RABL3: variants seen among roughly 807,000 people sequenced by gnomAD.
The protein encoded by RABL3 is RAB, member of RAS oncogene family like 3.
In RABL3, 31 loss-of-function variants were observed where a neutral mutation model predicts 31.8. The ratio of observed to expected loss-of-function variants is 0.97; its 90% CI spans 0.73 to 1.31. The LOEUF (loss-of-function observed/expected upper bound fraction) is 1.31, where lower values mean the gene tolerates loss of function less well. Ranked by LOEUF, RABL3 falls within the 40% of genes most tolerant of loss-of-function variation. The probability of loss-of-function intolerance (pLI) is 0.00; values close to 1 mark genes in which losing one functional copy is unlikely to be tolerated. For synonymous variants in RABL3, 97 were observed against 99.9 expected (o/e 0.97, Z 0.18); for missense variants, 263 against 279.6 (o/e 0.94, Z 0.42).
chr3:120,696,280 T>C (rs1486880118), intron 5 of RABL3, among the ~76,000 whole-genome samples: 3 of 152,230 alleles, frequency 2.0e-5, no homozygotes, highest in African/African-American at 7.2e-5. Context: ...ATACAGTAAC[T>C]GATGTTAGCA....
At position 120,705,965 on chromosome 3, in the gene RABL3, T is replaced by C. The variant is rs1708542955; in HGVS notation, c.383+35A>G. On this transcript the variant is annotated intron_variant, in intron 4 of 7. Transcript: ENST00000273375. ...CAGGGAAGTACATTCCTGTGATTGC[T>C]ACAATCTTTCAAACCAATTGTGAAA... 3.2e-6 allele frequency: 4 copies of C among 1,235,482 alleles called. No individual in the cohort carries two copies. In the East Asian group the frequency reaches 9.3e-5, roughly 29 times the overall value. 76.5% of individuals were successfully genotyped at this position (1,235,482 alleles called of 1,614,324 possible). A position where few individuals can be genotyped will look rare whatever the true frequency, so the allele number is the denominator to read the frequency against.
At chr3:120,719,930 C>T (rs1708717042) in intron 2 of RABL3, among the ~76,000 whole-genome samples, 2 of 152,194 alleles carry the variant, frequency 1.3e-5, no homozygotes, top group Admixed American at 6.5e-5. Flanking sequence ...CTGAGAGACA[C>T]CCCCCAGTAG....
chr3:120,741,952 C>T (rs2107601784), intron 1 of RABL3, among the ~76,000 whole-genome samples: 1 of 152,322 alleles, frequency 6.6e-6, no homozygotes, highest in Non-Finnish European at 1.5e-5. Context: ...CTCTGCCTCA[C>T]TACTCTCATC....
At chr3:120,697,181 T>A (rs972103819) in intron 5 of RABL3, among the ~76,000 whole-genome samples, 5 of 152,104 alleles carry the variant, frequency 3.3e-5, no homozygotes, top group Admixed American at 1.3e-4. Flanking sequence ...TTCTAAGAGT[T>A]TTTTCAGCTG....
At chr3:120,700,665 A>T (rs1489812958) in intron 4 of RABL3, among the ~76,000 whole-genome samples, 1 of 152,116 alleles carries the variant, frequency 6.6e-6, no homozygotes, top group Non-Finnish European at 1.5e-5. Flanking sequence ...TCATGTTAAA[A>T]AAAAGCCCTT....
intron 3 of RABL3, among the ~76,000 whole-genome samples, chr3:120,706,622 A>ATTTTTTTTTTT (rs1272786866): frequency 6.6e-6 from 1 of 150,868 alleles, no homozygotes; most frequent in Non-Finnish European, 1.5e-5. Context: ...TACAATTGCT[A>ATTTTTTTTTTT]TTCTTTAGCT....
At chr3:120,698,189 T>G (rs1708458360) in intron 5 of RABL3, among the ~76,000 whole-genome samples, 1 of 152,172 alleles carries the variant, frequency 6.6e-6, no homozygotes, top group Admixed American at 6.5e-5. Context: ...TGATTTAAAT[T>G]ATTCATAGAA....
At chr3:120,724,850 G>T (rs1256656843) in intron 2 of RABL3, among the ~76,000 whole-genome samples, 1 of 151,978 alleles carries the variant, frequency 6.6e-6, no homozygotes, top group Non-Finnish European at 1.5e-5. Context: ...AAAAACCCTA[G>T]AAGAAAACCT....
chr3:120,691,859 C>G (rs771126421), intron 6 of RABL3, among the ~76,000 whole-genome samples: 9 of 152,152 alleles, frequency 5.9e-5, no homozygotes, highest in Non-Finnish European at 1.0e-4. Context: ...CATCCAGATT[C>G]AACACCAAGA....
At chr3:120,710,853 A>T (rs1158424342) in intron 2 of RABL3, among the ~76,000 whole-genome samples, 1 of 152,142 alleles carries the variant, frequency 6.6e-6, no homozygotes, top group African/African-American at 2.4e-5. Flanking sequence ...TCACAGCAAA[A>T]GTCCTCCAAA....
chr3:120,710,953 C>CTAT (rs1553725301), intron 2 of RABL3, among the ~76,000 whole-genome samples: 3 of 152,120 alleles, frequency 2.0e-5, no homozygotes, highest in Non-Finnish European at 4.4e-5. Context: ...CCCCAATGAA[C>CTAT]TATTCCTTGT....
chr3:120,728,315 C>A (rs2107593987), intron 2 of RABL3, among the ~76,000 whole-genome samples: 1 of 152,216 alleles, frequency 6.6e-6, no homozygotes, highest in Non-Finnish European at 1.5e-5. Context: ...TATTATTGAC[C>A]TCTGTTTTCC....
At chr3:120,694,344 C>T (rs1174487507) in intron 5 of RABL3, 120 bp from the exon 6 acceptor site, 12 of 586,196 alleles carry the variant, frequency 2.0e-5, no homozygotes, top group Non-Finnish European at 3.4e-5. Context: ...AATACTCTCA[C>T]AAAATATTCA....
chr3:120,706,940 G>GA (rs1708556337), intron 3 of RABL3, among the ~76,000 whole-genome samples: 1 of 152,040 alleles, frequency 6.6e-6, no homozygotes, highest in Non-Finnish European at 1.5e-5. Flanking sequence ...GAAAATCAGG[G>GA]AATTAATTAT....
intron 1 of RABL3, among the ~76,000 whole-genome samples, chr3:120,735,177 A>C (rs566206467): frequency 6.6e-6 from 1 of 151,990 alleles, no homozygotes; most frequent in Admixed American, 6.6e-5. Flanking sequence ...CTGGTCCTGG[A>C]CTTTTTTTGG....
chr3:120,734,520 T>C (rs1472685525), intron 1 of RABL3, among the ~76,000 whole-genome samples: 2 of 152,204 alleles, frequency 1.3e-5, no homozygotes, highest in Admixed American at 6.5e-5. Flanking sequence ...CTTTTCCTAA[T>C]TGAATACCCT....
At chr3:120,699,720 G>A (rs1708474979) in intron 4 of RABL3, among the ~76,000 whole-genome samples, 1 of 152,064 alleles carries the variant, frequency 6.6e-6, no homozygotes, top group African/African-American at 2.4e-5. Context: ...TAATCTTACA[G>A]CGCCTCAGCA....
At chr3:120,719,995 G>A (rs1336227440) in intron 2 of RABL3, among the ~76,000 whole-genome samples, 2 of 152,128 alleles carry the variant, frequency 1.3e-5, no homozygotes, top group Non-Finnish European at 2.9e-5. Flanking sequence ...AACTTCCAGA[G>A]GAACAATCAG....
At chr3:120,728,922 CATAGATTCAGAT>C (rs1202781213) in intron 2 of RABL3, among the ~76,000 whole-genome samples, 1 of 152,120 alleles carries the variant, frequency 6.6e-6, no homozygotes, top group African/African-American at 2.4e-5. Context: ...TGGGAACTGA[CATAGATTCAGAT>C]ATAGCTTCAG....
Sources: allele counts gnomAD v4.1 joint callset (sites outside exome capture counted in the v4.1 genomes callset), GRCh38; gene constraint gnomAD v4.1.1; transcripts MANE v1.5; gene names NCBI Gene and HGNC (gene_info 2026-07-23, HGNC 2026-07-21).